MAP4K5: variants seen among roughly 807,000 people sequenced by gnomAD.
MAP4K5 encodes the protein mitogen-activated protein kinase kinase kinase kinase 5.
In MAP4K5, 82 loss-of-function variants were observed where a neutral mutation model predicts 135.6. The observed-to-expected ratio is 0.60, with a 90% CI of 0.51 to 0.73. The LOEUF is 0.73. Ranked by LOEUF, MAP4K5 falls within the 30% of genes least tolerant of loss-of-function variation. The pLI, the probability that MAP4K5 is intolerant of heterozygous loss-of-function variation, is 0.00. For missense variants in MAP4K5, 907 were observed against 1,010.9 expected (o/e 0.90, Z 1.39); for synonymous variants, 347 against 335.0 (o/e 1.04, Z -0.39).
Position 50,468,761 on chromosome 14 carries a change from T to C in MAP4K5, c.564A>G (p.Ala188=), listed in dbSNP as rs1177868441. 6.2e-7 allele frequency: 1 copy of C among 1,610,992 alleles called. No homozygotes were observed. Among genetic ancestry groups the C allele is most frequent in the Non-Finnish European group, 8.5e-7 (1 of 1,178,454 alleles). Residue 188 remains alanine, a synonymous_variant, in exon 10 of 33, where the codon GCA becomes GCG. Transcript: ENST00000682126. ...GGTTGTAGCCACCATTCTTCTCTACTGCTGCAACTTCTGGGGCCATCCTAG... is the reference window on the plus strand; with the variant it reads ...GGTTGTAGCCACCATTCTTCTCTACCGCTGCAACTTCTGGGGCCATCCTAG... ...TPYWMAPEVA[A]VEKNGGYNQL...
At chr14:50,456,317 C>T (rs2036593294) in intron 14 of MAP4K5, 199 bp downstream of exon 14, 2 of 538,790 alleles carry the variant, frequency 3.7e-6, no homozygotes, top group South Asian at 2.4e-5. Context: ...TTGTCCATAA[C>T]TGGAAAATAA....
chr14:50,504,705 G>A, intron 3 of MAP4K5, 95 bp downstream of exon 3: 1 of 878,170 alleles, frequency 1.1e-6, no homozygotes, highest in East Asian at 2.7e-5. Flanking sequence ...CTACTGACCT[G>A]ATAGAACATA....
rs34304236 is a variant in MAP4K5 at position 50,528,557 on chromosome 14, T to TA, written c.108+3384dup. ...ACACAGGAAGACCCTGTCTTTACAT[T>TA]AAAAAAAAAAAAAATTAGCCAGGCA... On this transcript the variant is annotated intron_variant, in intron 2 of 32. Coordinates refer to ENST00000682126, the MANE Select transcript of MAP4K5 (RefSeq NM_006575.6). Among the ~76,000 whole-genome samples the TA allele has an allele frequency of 1.8e-3, 259 of 143,234 alleles. 1 individual carries two copies. Among genetic ancestry groups the TA allele is most frequent in the South Asian group, 4.2e-3 (19 of 4,512 alleles). The allele number at this position is 143,234 out of a possible 152,430, so 94.0% of individuals were successfully genotyped here.
At chr14:50,497,075 T>A (rs1011533496) in intron 3 of MAP4K5, among the ~76,000 whole-genome samples, 5 of 152,218 alleles carry the variant, frequency 3.3e-5, no homozygotes, top group Admixed American at 3.3e-4. Context: ...ATACAGTGAA[T>A]AAATTAGCAG....
intron 25 of MAP4K5, 54 bp from the exon 26 acceptor site, chr14:50,437,588 G>T: frequency 8.3e-7 from 1 of 1,211,948 alleles, no homozygotes. Context: ...ACAACACAAT[G>T]ATTTGTAAAT....
At chr14:50,518,610 C>T (rs1370264932) in intron 2 of MAP4K5, among the ~76,000 whole-genome samples, 1 of 152,194 alleles carries the variant, frequency 6.6e-6, no homozygotes, top group Non-Finnish European at 1.5e-5. Context: ...ACAATTTCCC[C>T]ACTCCCAGGC....
chr14:50,448,812 G>T lies in MAP4K5; in HGVS notation c.1036C>A (p.Pro346Thr), dbSNP rs749190869. The T allele has an allele frequency of 3.9e-6, 6 of 1,543,500 alleles. No individual in the cohort carries two copies. The East Asian group carries it at 7.1e-5, about 18-fold the overall frequency. The change falls in exon 15 of 33, where the codon CCT becomes ACT. Residue 346 changes from proline to threonine, a missense_variant. Pro to Thr is a conservative substitution (Grantham distance 38). Around this residue, in one of 3 missense-constraint regions of MAP4K5, gnomAD observed 690 missense variants for 777.4 expected, o/e 0.89. Transcript: ENST00000682126. ...EINFDKLQFE[P>T]PLRKETEARD... ...GCTTCTGTTTCTTTTCTCAGAGGAG[G>T]TTCAAATTGTAATTTGTCAACTGCA...
intron 2 of MAP4K5, among the ~76,000 whole-genome samples, chr14:50,523,072 G>T (rs2038184246): frequency 6.6e-6 from 1 of 152,198 alleles, no homozygotes; most frequent in Non-Finnish European, 1.5e-5. Flanking sequence ...AGCACTTTGG[G>T]AGGCTGAGGC....
At chr14:50,557,793 C>T (rs1033827045) in intron 1 of MAP4K5, among the ~76,000 whole-genome samples, 6 of 152,120 alleles carry the variant, frequency 3.9e-5, no homozygotes, top group African/African-American at 1.4e-4. Context: ...CAACTAGCAC[C>T]CACGTCTTGG....
At chr14:50,495,961 A>G (rs1417676199) in intron 3 of MAP4K5, among the ~76,000 whole-genome samples, 1 of 152,196 alleles carries the variant, frequency 6.6e-6, no homozygotes, top group Non-Finnish European at 1.5e-5. Context: ...GTTTTGCAAG[A>G]TGAAAAATTC....
chr14:50,428,515 C>T (rs2035898766), intron 30 of MAP4K5, 147 bp downstream of exon 30: 2 of 454,394 alleles, frequency 4.4e-6, no homozygotes, highest in South Asian at 7.9e-5. Context: ...CTTGGCCTCC[C>T]AAAGTGCTGG....
At chr14:50,466,344 TGCA>T (rs981699420) in intron 11 of MAP4K5, among the ~76,000 whole-genome samples, 1 of 133,376 alleles carries the variant, frequency 7.5e-6, no homozygotes, top group Non-Finnish European at 1.5e-5. Flanking sequence ...ATCATGACAC[TGCA>T]CTCCAGCCTG....
intron 13 of MAP4K5, among the ~76,000 whole-genome samples, chr14:50,459,121 G>A (rs1435426745): frequency 2.0e-5 from 3 of 152,116 alleles, no homozygotes; most frequent in Non-Finnish European, 4.4e-5. Context: ...CCTCAAACCT[G>A]TATTTTTAGT....
intron 21 of MAP4K5, 109 bp from the exon 22 acceptor site, chr14:50,440,550 CTAA>C: frequency 1.8e-6 from 1 of 566,474 alleles, no homozygotes; most frequent in Non-Finnish European, 3.1e-6. Context: ...ACCTATCCAT[CTAA>C]AATAAAATTA....
chr14:50,429,333 A>G lies in MAP4K5; in HGVS notation c.2165-73T>C. ...GCCTAGAAAATAAACATAAATTCTG[A>G]CTTTTGCTGTGACTTAAAATTGATC... On this transcript the variant is annotated intron_variant, in intron 28 of 32. Transcript: ENST00000682126. 4 of 875,710 alleles carry G rather than the reference A, an allele frequency of 4.6e-6. No individual in the cohort carries two copies. In the South Asian group the frequency reaches 6.3e-5, roughly 14 times the overall value. The allele number at this position is 875,710 out of a possible 1,614,324, so 54.2% of individuals were successfully genotyped here. A position where few individuals can be genotyped will look rare whatever the true frequency, so the allele number is the denominator to read the frequency against.
intron 11 of MAP4K5, among the ~76,000 whole-genome samples, chr14:50,465,117 T>C (rs1169069756): frequency 6.6e-6 from 1 of 152,218 alleles, no homozygotes; most frequent in Non-Finnish European, 1.5e-5. Context: ...GATTTGCCAT[T>C]CTTTCCTGTC....
At chr14:50,528,867 A>T (rs904069553) in intron 2 of MAP4K5, among the ~76,000 whole-genome samples, 4 of 152,244 alleles carry the variant, frequency 2.6e-5, no homozygotes, top group Admixed American at 6.5e-5. Context: ...AGTGATAAAT[A>T]GCAAAATTAC....
intron 13 of MAP4K5, among the ~76,000 whole-genome samples, chr14:50,458,799 T>C (rs549995306): frequency 1.3e-5 from 2 of 152,190 alleles, no homozygotes; most frequent in South Asian, 2.1e-4. Context: ...ATATTTTTAT[T>C]ATTTTATTTA....
At chr14:50,543,866 G>A (rs1272688814) in intron 1 of MAP4K5, among the ~76,000 whole-genome samples, 1 of 152,138 alleles carries the variant, frequency 6.6e-6, no homozygotes, top group East Asian at 1.9e-4. Context: ...GAGTTTGGAG[G>A]CCCTAGTGCC....
Sources: gnomAD v4.1 joint callset for allele counts (sites outside exome capture counted in the v4.1 genomes callset) on GRCh38, gnomAD v4.1.1 for gene constraint, gnomAD v4.1.1 regional missense constraint, MANE v1.5 for transcripts, NCBI Gene and HGNC (gene_info 2026-07-23, HGNC 2026-07-21) for gene names.